EFNB2: variants seen among roughly 807,000 people sequenced by gnomAD.
The protein encoded by EFNB2 is ephrin-B2.
EFNB2 carries 5 observed loss-of-function variants against 32.1 expected under a neutral mutation model. The observed-to-expected ratio is 0.16, with a 90% CI of 0.08 to 0.33. The LOEUF is 0.33. EFNB2 is among the 10% of genes least tolerant of loss of function. The probability of loss-of-function intolerance (pLI) is 1.00; values close to 1 mark genes in which losing one functional copy is unlikely to be tolerated. For synonymous variants in EFNB2, 168 were observed against 166.5 expected (o/e 1.01, Z -0.07); for missense variants, 263 against 422.6 (o/e 0.62, Z 3.31).
intron 1 of EFNB2, among the ~76,000 whole-genome samples, chr13:106,530,745 G>A (rs1408560605): frequency 3.3e-5 from 5 of 152,086 alleles, no homozygotes; most frequent in African/African-American, 1.2e-4. Flanking sequence ...ACTCTAAAAC[G>A]TCGCCCGAAG....
rs57762655 is a variant in EFNB2 at position 106,493,533 on chromosome 13, T to TA, written c.614-106dup. The TA allele has an allele frequency of 0.01, 14,609 of 1,439,434 alleles. 1,185 individuals are homozygous for TA. The African/African-American group carries it at 0.18, about 18-fold the overall frequency. The allele number at this position is 1,439,434 out of a possible 1,614,324, so 89.2% of individuals were successfully genotyped here. On this transcript the variant is annotated intron_variant, in intron 4 of 4. Coordinates refer to ENST00000646441, the MANE Select transcript of EFNB2 (RefSeq NM_004093.4). This position sits in a 1 kb window ranked among gnomAD's most constrained non-coding sequence, Gnocchi z 6.1. ...AATGTGAAAAATAAGCCAGGCTTATTACTAACTAGAAGCTGGACTTTGCCT... is the reference window on the plus strand; with the variant it reads ...AATGTGAAAAATAAGCCAGGCTTATTAACTAACTAGAAGCTGGACTTTGCCT...
intron 2 of EFNB2, among the ~76,000 whole-genome samples, chr13:106,502,806 G>A (rs1272344829): frequency 6.6e-6 from 1 of 151,566 alleles, no homozygotes; most frequent in African/African-American, 2.4e-5. Flanking sequence ...GACCTGGAAA[G>A]CTACTGGCTA....
intron 1 of EFNB2, among the ~76,000 whole-genome samples, chr13:106,513,658 A>G (rs946742943): frequency 6.6e-6 from 1 of 152,118 alleles, no homozygotes; most frequent in Non-Finnish European, 1.5e-5. Context: ...TTCCTGAATG[A>G]TCTTTCTTAA....
chr13:106,526,654 G>A (rs1044642034), intron 1 of EFNB2, among the ~76,000 whole-genome samples: 12 of 151,998 alleles, frequency 7.9e-5, no homozygotes, highest in Non-Finnish European at 1.6e-4. Context: ...ATATAGTTCT[G>A]GTAGATAAGT....
At chr13:106,526,587 G>GC (rs1348944564) in intron 1 of EFNB2, among the ~76,000 whole-genome samples, 1 of 151,974 alleles carries the variant, frequency 6.6e-6, no homozygotes, top group Admixed American at 6.5e-5. Flanking sequence ...CATAGCAAGG[G>GC]GGGGATTCAA....
chr13:106,530,296 A>AC (rs1879829645), intron 1 of EFNB2, among the ~76,000 whole-genome samples: 2 of 152,138 alleles, frequency 1.3e-5, no homozygotes, highest in Non-Finnish European at 2.9e-5. Context: ...CTGTTCCCTG[A>AC]AAGAGCTAAT....
chr13:106,533,725 G>C (rs550687202), intron 1 of EFNB2, among the ~76,000 whole-genome samples: 1 of 152,242 alleles, frequency 6.6e-6, no homozygotes, highest in East Asian at 1.9e-4. Flanking sequence ...CATTGATTTT[G>C]CTTCTGATCT....
rs1310199755 is a variant in EFNB2, at chr13:106,491,203, CG to C, written c.*1836del. The C allele has an allele frequency of 3.9e-5, 6 of 152,534 alleles. No homozygotes were observed. In the East Asian group the frequency reaches 9.7e-4, roughly 25 times the overall value. 9.4% of individuals were successfully genotyped at this position (152,534 alleles called of 1,614,324 possible). A position where few individuals can be genotyped will look rare whatever the true frequency, so the allele number is the denominator to read the frequency against. ...GAAAACCCAACGCAGAAATAAACGC[CG>C]GAACATCTTGTCATTGTTAAATATA... On this transcript the variant is annotated 3_prime_UTR_variant, in exon 5 of 5. Coordinates refer to ENST00000646441, the MANE Select transcript of EFNB2 (RefSeq NM_004093.4).
At position 106,490,923 on chromosome 13, in the gene EFNB2, C is replaced by A. The variant is rs1181629801; in HGVS notation, c.*2117G>T. Reference sequence around the variant, plus strand: ...CAGGTACTCACTGGAGGTCTGAGAACCTTAAAATGCTGTCGCTACATTTTT... The same window carrying A: ...CAGGTACTCACTGGAGGTCTGAGAAACTTAAAATGCTGTCGCTACATTTTT... On this transcript the variant is annotated 3_prime_UTR_variant, in exon 5 of 5. Transcript: ENST00000646441. The A allele has an allele frequency of 7.8e-6, 1 of 127,576 alleles. No individual in the cohort carries two copies. Among genetic ancestry groups the A allele is most frequent in the Non-Finnish European group, 1.7e-5 (1 of 60,540 alleles). The allele number at this position is 127,576 out of a possible 1,614,324, so 7.9% of individuals were successfully genotyped here. A position where few individuals can be genotyped will look rare whatever the true frequency, so the allele number is the denominator to read the frequency against.
chr13:106,525,418 G>A (rs565625433), intron 1 of EFNB2, among the ~76,000 whole-genome samples: 19 of 152,302 alleles, frequency 1.2e-4, no homozygotes, highest in African/African-American at 4.1e-4. Flanking sequence ...TAATTCTCAC[G>A]TGAACAGGTA....
intron 1 of EFNB2, among the ~76,000 whole-genome samples, chr13:106,530,261 T>TC (rs927881178): frequency 6.6e-6 from 1 of 151,976 alleles, no homozygotes; most frequent in African/African-American, 2.4e-5. Context: ...TCCTTCTAAT[T>TC]CCCCCCTTAA....
At chr13:106,498,056 G>A (rs1270177157) in intron 2 of EFNB2, among the ~76,000 whole-genome samples, 1 of 152,016 alleles carries the variant, frequency 6.6e-6, no homozygotes, top group South Asian at 2.1e-4. Context: ...GAACCTACAC[G>A]CAAAAGTGCA....
At chr13:106,528,189 A>C (rs1440770348) in intron 1 of EFNB2, among the ~76,000 whole-genome samples, 1 of 152,234 alleles carries the variant, frequency 6.6e-6, no homozygotes, top group Non-Finnish European at 1.5e-5. Flanking sequence ...TAGAAAAAGA[A>C]GGTAAAGTAA....
At position 106,493,484 on chromosome 13, in the gene EFNB2, C is replaced by A; in HGVS notation, c.614-56G>T. On this transcript the variant is annotated intron_variant, in intron 4 of 4. Transcript: ENST00000646441. This position sits in a 1 kb window ranked among gnomAD's most constrained non-coding sequence, Gnocchi z 6.1. ...ATAGTTACTGCTGTCCCAGTGCAGA[C>A]GGACTGCTTTTATGACCCTTAAAAA... is the stretch of plus-strand genomic sequence containing the variant. 1 of 1,543,160 alleles carries A rather than the reference C, an allele frequency of 6.5e-7. No individual in the cohort carries two copies.
Position 106,491,820 on chromosome 13 carries a change from A to G in EFNB2, c.*1220T>C, listed in dbSNP as rs1026057811. 6.6e-6 allele frequency: 1 copy of G among 152,600 alleles called. No homozygotes were observed. The highest frequency in any genetic ancestry group is 1.5e-5 in the Non-Finnish European group (1 of 68,040). 9.5% of individuals were successfully genotyped at this position (152,600 alleles called of 1,614,324 possible). A position where few individuals can be genotyped will look rare whatever the true frequency, so the allele number is the denominator to read the frequency against. ...TGATGATGGAATTACAGCCTGTTTG[A>G]CCTTTGGCTTTTCAACTTTTAGGTC... On this transcript the variant is annotated 3_prime_UTR_variant, in exon 5 of 5. Transcript: ENST00000646441.
intron 2 of EFNB2, 137 bp downstream of exon 2, chr13:106,512,392 A>AAAGG: frequency 8.3e-5 from 25 of 300,324 alleles, no homozygotes; most frequent in South Asian, 1.3e-4. Context: ...AAAAAAAAAA[A>AAAGG]GGGGGGGGGG....
intron 2 of EFNB2, chr13:106,510,230 T>G (rs2138918262): frequency 6.6e-6 from 1 of 152,350 alleles, no homozygotes; most frequent in African/African-American, 2.4e-5. Flanking sequence ...GTCGTTATTG[T>G]GTAGATTAAT....
At chr13:106,503,884 T>G (rs907593461) in intron 2 of EFNB2, among the ~76,000 whole-genome samples, 6 of 152,216 alleles carry the variant, frequency 3.9e-5, no homozygotes, top group Admixed American at 2.6e-4. Context: ...TCAGCTCACA[T>G]TTTTAAAGAA....
In EFNB2 at chr13:106,492,849, G is replaced by T. The variant is rs536066094; in HGVS notation, c.*191C>A. ...CTTCCAGCTTCCAGGGAGCGTGTGT[G>T]TTCACCAAGGCCGAATGCTACAAGA... On this transcript the variant is annotated 3_prime_UTR_variant, in exon 5 of 5. Transcript: ENST00000646441. The surrounding 1 kb of genome is among the most constrained non-coding windows in gnomAD (Gnocchi z 5.1). 1.0e-5 allele frequency: 7 copies of T among 702,866 alleles called. No homozygotes were observed. Among genetic ancestry groups the T allele is most frequent in the African/African-American group, 1.8e-5 (1 of 56,148 alleles). The allele number at this position is 702,866 out of a possible 1,614,324, so 43.5% of individuals were successfully genotyped here.
Sources: gnomAD v4.1 joint callset for allele counts (sites outside exome capture counted in the v4.1 genomes callset) on GRCh38, gnomAD v4.1.1 for gene constraint, Gnocchi (gnomAD v3.1) non-coding constraint, MANE v1.5 for transcripts, NCBI Gene and HGNC (gene_info 2026-07-23, HGNC 2026-07-21) for gene names.